Variants in SELENOO observed in about 807,000 individuals in gnomAD.
SELENOO encodes selenoprotein O.
In SELENOO, 74 loss-of-function variants were observed where a neutral mutation model predicts 58.7. The observed-to-expected ratio is 1.26, with a 90% CI of 1.04 to 1.53. The LOEUF is 1.53. Among genes scored for constraint, SELENOO ranks in the 40% most tolerant of loss-of-function variants. SELENOO has a pLI of 0.00. For synonymous variants in SELENOO, 543 were observed against 453.2 expected (o/e 1.20, Z -2.52); for missense variants, 1,149 against 970.0 (o/e 1.18, Z -2.45).
chr22:50,201,728 G>GGGCCTGGGC, intron 1 of SELENOO, 138 bp downstream of exon 1: 1 of 561,916 alleles, frequency 1.8e-6, no homozygotes, highest in Non-Finnish European at 2.6e-6. Context: ...GCGCGGTGCT[G>GGGCCTGGGC]GCAGCCGCCC....
intron 5 of SELENOO, 96 bp from the exon 6 acceptor site, chr22:50,215,621 C>A: frequency 9.2e-7 from 1 of 1,089,980 alleles, no homozygotes. Flanking sequence ...CATGCAGCAC[C>A]TGTGCCAGGG....
chr22:50,201,355 G>A lies in SELENOO; in HGVS notation c.319G>A (p.Gly107Ser), dbSNP rs184575812. The A allele has an allele frequency of 7.5e-4, 893 of 1,195,196 alleles. No homozygotes were observed. Among genetic ancestry groups the A allele is most frequent in the East Asian group, 4.5e-3 (122 of 26,820 alleles). 74.0% of individuals were successfully genotyped at this position (1,195,196 alleles called of 1,614,324 possible). The change falls in exon 1 of 9, where the codon GGC becomes AGC. Residue 107 changes from glycine to serine, a missense_variant. Gly to Ser is a moderately conservative substitution (Grantham distance 56). Coordinates refer to ENST00000380903, the MANE Select transcript of SELENOO (RefSeq NM_031454.2). ...GTCAGAGCCCGCGCTGGCGTTGCTG[G>A]GCCTGGGCGCGCCGCCCGCGCGCGA... ...ALSEPALALL[G>S]LGAPPAREAE...
intron 2 of SELENOO, 32 bp downstream of exon 2, chr22:50,206,552 C>T (rs373207487): frequency 1.2e-5 from 19 of 1,571,872 alleles, no homozygotes; most frequent in African/African-American, 5.4e-5. Context: ...CCTGTCTACA[C>T]GCACTTGCTT....
chr22:50,207,189 C>A, intron 2 of SELENOO, among the ~76,000 whole-genome samples: 1 of 152,040 alleles, frequency 6.6e-6, no homozygotes, highest in East Asian at 1.9e-4. Flanking sequence ...GTGGCGTGAT[C>A]TTGGCTCAGT....
intron 6 of SELENOO, 55 bp downstream of exon 6, chr22:50,215,922 C>G: frequency 6.7e-7 from 1 of 1,491,054 alleles, no homozygotes; most frequent in Non-Finnish European, 9.2e-7. Context: ...GAAGCATAAT[C>G]AGAAACAGAG....
chr22:50,216,769 C>T lies in SELENOO; in HGVS notation c.1581C>T (p.Ala527=), dbSNP rs1453904830. Reference sequence around the variant, plus strand: ...TTATGGGCACCCGGGCAGGCATCGCCAGGGAGCTGGAGCGTGTGGAGCAGC... The same window carrying T: ...TTATGGGCACCCGGGCAGGCATCGCTAGGGAGCTGGAGCGTGTGGAGCAGC... ...FALMGTRAGI[A]RELERVEQQS... Residue 527 remains alanine, a synonymous_variant, in exon 7 of 9, where the codon GCC becomes GCT. Coordinates refer to ENST00000380903, the MANE Select transcript of SELENOO (RefSeq NM_031454.2). 9 of 1,608,810 alleles carry T rather than the reference C, an allele frequency of 5.6e-6. No individual in the cohort carries two copies. Among genetic ancestry groups the T allele is most frequent in the Non-Finnish European group, 5.9e-6 (7 of 1,179,730 alleles).
At chr22:50,215,013 G>C (rs940325398) in intron 5 of SELENOO, among the ~76,000 whole-genome samples, 3 of 152,198 alleles carry the variant, frequency 2.0e-5, no homozygotes, top group Non-Finnish European at 4.4e-5. Context: ...GTTTCTGGTC[G>C]CTCACGTTCT....
chr22:50,215,586 C>T (rs1199296169), intron 5 of SELENOO, 131 bp from the exon 6 acceptor site: 9 of 581,184 alleles, frequency 1.5e-5, no homozygotes, highest in South Asian at 4.4e-5. Context: ...CGGTGGGGGG[C>T]GGTGGTGGAG....
At chr22:50,216,104 G>T (rs1399685966) in intron 6 of SELENOO, among the ~76,000 whole-genome samples, 1 of 152,226 alleles carries the variant, frequency 6.6e-6, no homozygotes, top group Non-Finnish European at 1.5e-5. Context: ...GGTCTCTGCT[G>T]TGGGTGGGCT....
Position 50,217,277 on chromosome 22 carries a change from A to G in SELENOO, c.1918A>G (p.Thr640Ala), listed in dbSNP as rs1209825321. The G allele has an allele frequency of 2.5e-6, 4 of 1,612,318 alleles. No individual in the cohort carries two copies. Among genetic ancestry groups the G allele is most frequent in the Non-Finnish European group, 3.4e-6 (4 of 1,179,758 alleles). Residue 640 changes from threonine (T) to alanine (A), a missense_variant, in exon 9 of 9, where the codon ACG becomes GCG. Coordinates refer to ENST00000380903, the MANE Select transcript of SELENOO (RefSeq NM_031454.2). ...GGGGGCCGCCACAGACGCCGAGGCC[A>G]CGGAAGCCGACGGGGCGGACGGCAG... is the stretch of plus-strand genomic sequence containing the variant. ...EAGAATDAEATEADGADGRQR... is the reference protein window; with the variant it reads ...EAGAATDAEAAEADGADGRQR...
At chr22:50,206,016 TCA>T (rs1308615697) in intron 1 of SELENOO, 2 of 459,086 alleles carry the variant, frequency 4.4e-6, no homozygotes, top group Non-Finnish European at 8.0e-6. Context: ...CACTGTGCAG[TCA>T]CACAGTCCTG....
At chr22:50,215,568 C>T (rs1299803434) in intron 5 of SELENOO, 149 bp from the exon 6 acceptor site, 12 of 556,840 alleles carry the variant, frequency 2.2e-5, no homozygotes, top group East Asian at 3.1e-5. Flanking sequence ...CGTGTGGATC[C>T]GTGCTGGCGG....
intron 5 of SELENOO, among the ~76,000 whole-genome samples, chr22:50,213,909 A>G (rs565015010): frequency 6.6e-6 from 1 of 152,184 alleles, no homozygotes; most frequent in East Asian, 1.9e-4. Flanking sequence ...CGGCCTCCCA[A>G]AGTGCTGGGA....
At position 50,217,523 on chromosome 22, in the gene SELENOO, ACCTGACCCGTCTCTGTCTGAGG is replaced by A; in HGVS notation, c.*157_*178del. 1 of 1,085,422 alleles carries A rather than the reference ACCTGACCCGTCTCTGTCTGAGG, an allele frequency of 9.2e-7. No individual in the cohort carries two copies. Among genetic ancestry groups the A allele is most frequent in the Non-Finnish European group, 1.3e-6 (1 of 762,124 alleles). The allele number at this position is 1,085,422 out of a possible 1,614,324, so 67.2% of individuals were successfully genotyped here. On this transcript the variant is annotated 3_prime_UTR_variant, in exon 9 of 9. Coordinates refer to ENST00000380903, the MANE Select transcript of SELENOO (RefSeq NM_031454.2). ...ATGATGGCAGAGACATCCAGTCAGGACCTGACCCGTCTCTGTCTGAGGCCGGCTCAGCAGTGCAGCCTGGTCC... is the reference window on the plus strand; with the variant it reads ...ATGATGGCAGAGACATCCAGTCAGGACCGGCTCAGCAGTGCAGCCTGGTCC...
At chr22:50,207,916 T>C (rs1343831975) in intron 2 of SELENOO, among the ~76,000 whole-genome samples, 1 of 147,040 alleles carries the variant, frequency 6.8e-6, no homozygotes, top group African/African-American at 2.5e-5. Context: ...AAAACACTCC[T>C]CGTGGGGTTG....
chr22:50,203,256 A>T (rs935254539), intron 1 of SELENOO, among the ~76,000 whole-genome samples: 3 of 151,924 alleles, frequency 2.0e-5, no homozygotes, highest in Non-Finnish European at 4.4e-5. Flanking sequence ...GTGTGCTTCT[A>T]ATTGCAGCTA....
intron 6 of SELENOO, among the ~76,000 whole-genome samples, 176 bp downstream of exon 6, chr22:50,216,043 G>A (rs898461357): frequency 9.2e-5 from 14 of 152,208 alleles, no homozygotes; most frequent in African/African-American, 3.1e-4. Context: ...GGGGCCGGTT[G>A]GTCACAGAGT....
intron 4 of SELENOO, 116 bp from the exon 5 acceptor site, chr22:50,210,515 G>T: frequency 6.7e-7 from 1 of 1,496,102 alleles, no homozygotes; most frequent in Non-Finnish European, 9.1e-7. Context: ...GTGGGACAGG[G>T]CCAGAGAGCC....
rs757050976 is a variant in SELENOO, at chr22:50,206,331, G to A, written c.569G>A (p.Arg190His). 189 of 1,613,632 alleles carry A rather than the reference G, an allele frequency of 1.2e-4. No individual in the cohort carries two copies. Among genetic ancestry groups the A allele is most frequent in the Non-Finnish European group, 1.0e-4 (120 of 1,179,996 alleles). ...TTTGGTTTCAGACAGGCCGACGGTC[G>A]CAAGGTCCTACGGTCAAGCATCCGG... ...PTPFSRQADG[R>H]KVLRSSIREF... is the part of the protein sequence containing the mutation. Residue 190 changes from arginine to histidine, a missense_variant, in exon 2 of 9, where the codon CGC becomes CAC. Transcript: ENST00000380903.
Sources: gnomAD v4.1 joint callset for allele counts (sites outside exome capture counted in the v4.1 genomes callset) on GRCh38, gnomAD v4.1.1 for gene constraint, MANE v1.5 for transcripts, NCBI Gene and HGNC (gene_info 2026-07-23, HGNC 2026-07-21) for gene names.